PRSS23: variants seen among roughly 807,000 people sequenced by gnomAD.
PRSS23 encodes the protein serine protease 23.
Under a neutral mutation model 34.7 loss-of-function variants are expected in PRSS23, and 25 were observed. The ratio of observed to expected loss-of-function variants is 0.72; its 90% confidence interval spans 0.53 to 1.01. PRSS23 has a LOEUF of 1.01. PRSS23 is among the 50% of genes least tolerant of loss of function. The pLI is 0.00. For missense variants in PRSS23, 445 were observed against 475.6 expected (o/e 0.94, Z 0.60); for synonymous variants, 176 against 186.6 (o/e 0.94, Z 0.46).
chr11:86,825,620 C>G (rs1456225941), intron 2 of PRSS23, among the ~76,000 whole-genome samples: 2 of 151,396 alleles, frequency 1.3e-5, no homozygotes, highest in East Asian at 3.9e-4. Flanking sequence ...TTAGGTCTAA[C>G]GTTTAAGTCT....
intron 2 of PRSS23, among the ~76,000 whole-genome samples, chr11:86,894,188 AT>A (rs1565379416): frequency 6.6e-6 from 1 of 152,020 alleles, no homozygotes; most frequent in African/African-American, 2.4e-5. Flanking sequence ...TAATTTTTGT[AT>A]TTTTGAGATG....
chr11:86,895,573 G>A (rs1948869465), intron 2 of PRSS23, among the ~76,000 whole-genome samples: 1 of 132,254 alleles, frequency 7.6e-6, no homozygotes, highest in Non-Finnish European at 1.5e-5. Flanking sequence ...TTGACCTCTT[G>A]GGCTCAAGTG....
exon 3 of PRSS23, chr11:86,952,255 C>A (rs1443797303): frequency 1.9e-6 from 3 of 1,614,208 alleles, no homozygotes; most frequent in Non-Finnish European, 2.5e-6. Flanking sequence ...GAGGTAAGGG[C>A]ACCTCTTCAT....
chr11:86,874,064 G>C (rs1565372775), intron 2 of PRSS23, among the ~76,000 whole-genome samples: 1 of 152,216 alleles, frequency 6.6e-6, no homozygotes, highest in Non-Finnish European at 1.5e-5. Context: ...AGACAGAGAA[G>C]GCTGGGAGAG....
chr11:86,939,424 A>ATTTTTT (rs1346009599), intron 2 of PRSS23, among the ~76,000 whole-genome samples: 8 of 83,998 alleles, frequency 9.5e-5, no homozygotes, highest in South Asian at 3.9e-4. Context: ...ATATATATAT[A>ATTTTTT]TATTTTTTAA....
rs903678576 is a variant in PRSS23 at position 86,809,117 on chromosome 11, T to C, written c.*322T>C. The C allele has an allele frequency of 8.4e-6, 2 of 237,290 alleles. No homozygotes were observed. Among genetic ancestry groups the C allele is most frequent in the Middle Eastern group, 1.5e-3 (1 of 660 alleles). 14.7% of individuals were successfully genotyped at this position (237,290 alleles called of 1,614,324 possible). A position where few individuals can be genotyped will look rare whatever the true frequency, so the allele number is the denominator to read the frequency against. ...TCACGTTTTTGCAAACTTTGATTTTTATTTCATCTGAACTTGTTTCAAAGA... is the reference window on the plus strand; with the variant it reads ...TCACGTTTTTGCAAACTTTGATTTTCATTTCATCTGAACTTGTTTCAAAGA... On this transcript the variant is annotated 3_prime_UTR_variant, in exon 2 of 2. Transcript: ENST00000280258.
intron 2 of PRSS23, among the ~76,000 whole-genome samples, chr11:86,939,678 A>G (rs1297641373): frequency 6.6e-5 from 10 of 151,300 alleles, no homozygotes; most frequent in Admixed American, 6.6e-4. Context: ...CTTCCTGAGA[A>G]TAAGTTCAGG....
intron 2 of PRSS23, among the ~76,000 whole-genome samples, chr11:86,928,597 C>A (rs1321008480): frequency 7.1e-6 from 1 of 141,356 alleles, no homozygotes; most frequent in African/African-American, 2.6e-5. Context: ...ATGGCTTGAA[C>A]CCAGAAGACG....
chr11:86,919,936 C>T (rs1369465199), intron 2 of PRSS23, among the ~76,000 whole-genome samples: 4 of 152,196 alleles, frequency 2.6e-5, no homozygotes, highest in South Asian at 4.1e-4. Flanking sequence ...AGTGCATCCA[C>T]CCTTTGTTCA....
chr11:86,846,832 A>G (rs1948489802), intron 2 of PRSS23, among the ~76,000 whole-genome samples: 1 of 152,196 alleles, frequency 6.6e-6, no homozygotes, highest in Non-Finnish European at 1.5e-5. Flanking sequence ...TTTGATGGCT[A>G]TTTTGAAGGA....
chr11:86,849,720 C>G (rs1417288323), intron 2 of PRSS23, among the ~76,000 whole-genome samples: 1 of 152,130 alleles, frequency 6.6e-6, no homozygotes, highest in Non-Finnish European at 1.5e-5. Flanking sequence ...GCAGTAATTC[C>G]TTTATATCCT....
At chr11:86,843,690 G>A (rs1948465341) in intron 2 of PRSS23, among the ~76,000 whole-genome samples, 1 of 152,180 alleles carries the variant, frequency 6.6e-6, no homozygotes. Context: ...TGTCATCAGA[G>A]AAATGCAAAT....
chr11:86,881,346 G>T (rs1332073840), intron 2 of PRSS23, among the ~76,000 whole-genome samples: 2 of 147,596 alleles, frequency 1.4e-5, no homozygotes, highest in Non-Finnish European at 1.5e-5. Flanking sequence ...TGCATCTATT[G>T]AGGTGATCAT....
chr11:86,830,817 C>T (rs11234823), intron 2 of PRSS23, among the ~76,000 whole-genome samples: 87 of 151,814 alleles, frequency 5.7e-4, no homozygotes, highest in Non-Finnish European at 1.0e-3. Context: ...GGGTGTACAC[C>T]CTGTGATATT....
At chr11:86,806,213 T>G (rs979857556) in intron 1 of PRSS23, among the ~76,000 whole-genome samples, 36 of 152,216 alleles carry the variant, frequency 2.4e-4, no homozygotes, top group Non-Finnish European at 8.8e-5. Context: ...ACTCCACCCT[T>G]GCTGAGCTAA....
At chr11:86,893,881 G>C (rs764041402) in intron 2 of PRSS23, among the ~76,000 whole-genome samples, 1 of 152,130 alleles carries the variant, frequency 6.6e-6, no homozygotes, top group African/African-American at 2.4e-5. Context: ...CACTTATAGA[G>C]GTCAATCAGG....
At chr11:86,903,331 AGG>A (rs1339734909) in intron 2 of PRSS23, among the ~76,000 whole-genome samples, 1 of 152,140 alleles carries the variant, frequency 6.6e-6, no homozygotes, top group Non-Finnish European at 1.5e-5. Context: ...ACAGGTCACA[AGG>A]TCACTGCAAT....
chr11:86,886,191 A>G (rs1948800929), intron 2 of PRSS23, among the ~76,000 whole-genome samples: 1 of 151,964 alleles, frequency 6.6e-6, no homozygotes, highest in Non-Finnish European at 1.5e-5. Context: ...GTGAGACCCC[A>G]TCTCTAATAA....
intron 2 of PRSS23, among the ~76,000 whole-genome samples, chr11:86,851,407 A>C (rs747443895): frequency 2.0e-5 from 3 of 152,192 alleles, no homozygotes; most frequent in Non-Finnish European, 4.4e-5. Flanking sequence ...TATACTTGAC[A>C]TAGTGAACGT....
Sources: gnomAD v4.1 joint callset for allele counts (sites outside exome capture counted in the v4.1 genomes callset) on GRCh38, gnomAD v4.1.1 for gene constraint, MANE v1.5 for transcripts, NCBI Gene and HGNC (gene_info 2026-07-23, HGNC 2026-07-21) for gene names.